The following TSNARE1 variants were observed in gnomAD, a reference collection of about 807,000 sequenced individuals.
The protein encoded by TSNARE1 is t-SNARE domain containing 1.
A neutral mutation model predicts 62.0 loss-of-function variants in TSNARE1; 49 were observed. The ratio of observed to expected loss-of-function variants is 0.79; its 90% CI spans 0.63 to 1.00. The LOEUF (loss-of-function observed/expected upper bound fraction) is 1.00. Ranked by LOEUF, TSNARE1 falls within the 50% of genes least tolerant of loss-of-function variation. The probability of loss-of-function intolerance (pLI) is 0.00; values close to 1 mark genes in which losing one functional copy is unlikely to be tolerated. For missense variants in TSNARE1, 755 were observed against 700.1 expected (o/e 1.08, Z -0.88); for synonymous variants, 328 against 294.4 (o/e 1.11, Z -1.17).
chr8:142,394,876 G>C (rs1341540062), intron 1 of TSNARE1, among the ~76,000 whole-genome samples: 3 of 152,318 alleles, frequency 2.0e-5, no homozygotes, highest in South Asian at 4.1e-4. Flanking sequence ...GGCTGTGCCT[G>C]CGCCCTGGGG....
intron 6 of TSNARE1, among the ~76,000 whole-genome samples, chr8:142,325,776 G>A (rs1830124928): frequency 6.6e-6 from 1 of 152,250 alleles, no homozygotes; most frequent in African/African-American, 2.4e-5. Flanking sequence ...GAGAGGAAAA[G>A]AGGCTGGAGT....
intron 1 of TSNARE1, among the ~76,000 whole-genome samples, chr8:142,357,983 A>G (rs1834880401): frequency 7.0e-6 from 1 of 142,904 alleles, no homozygotes; most frequent in Non-Finnish European, 1.5e-5. Flanking sequence ...GGACAAGGGG[A>G]GCAGCCAGCG....
In TSNARE1 at chr8:142,390,550, T is replaced by C. The variant is rs80205625; in HGVS notation, c.-40+12554A>G. 1.8e-3 allele frequency among the ~76,000 whole-genome samples: 106 copies of C among 57,558 alleles called. 5 individuals are homozygous for C. Among genetic ancestry groups the C allele is most frequent in the Non-Finnish European group, 2.1e-3 (72 of 34,408 alleles). 37.8% of individuals were successfully genotyped at this position (57,558 alleles called of 152,430 possible). ...AGACGCTGTACACTGCTGGGGACTC[T>C]GTAACAGACGCTGTACACTGCAGGG... is the stretch of plus-strand genomic sequence containing the variant. On this transcript the variant is annotated intron_variant, in intron 1 of 13. Transcript: ENST00000524325.
At chr8:142,262,544 A>G (rs1333819239) in intron 12 of TSNARE1, among the ~76,000 whole-genome samples, 1 of 152,114 alleles carries the variant, frequency 6.6e-6, no homozygotes, top group Non-Finnish European at 1.5e-5. Context: ...TGTAATCTTC[A>G]GTGTTGGAGG....
intron 10 of TSNARE1, among the ~76,000 whole-genome samples, chr8:142,288,103 G>A (rs1397721530): frequency 2.6e-5 from 4 of 152,348 alleles, no homozygotes; most frequent in Non-Finnish European, 2.9e-5. Flanking sequence ...GCATGGCTCC[G>A]AGCCCCTGCC....
chr8:142,314,284 C>T (rs1162181930), intron 9 of TSNARE1, 100 bp downstream of exon 9: 1 of 1,164,982 alleles, frequency 8.6e-7, no homozygotes, highest in Non-Finnish European at 1.2e-6. Flanking sequence ...GATGACACCC[C>T]TGCCCTTGGC....
At chr8:142,374,761 G>T (rs1165567943) in intron 1 of TSNARE1, among the ~76,000 whole-genome samples, 1 of 152,060 alleles carries the variant, frequency 6.6e-6, no homozygotes, top group Non-Finnish European at 1.5e-5. Flanking sequence ...TCTGAAAAGG[G>T]GAAGGAGGCT....
At chr8:142,335,655 A>T (rs1334427209) in intron 4 of TSNARE1, among the ~76,000 whole-genome samples, 1 of 152,198 alleles carries the variant, frequency 6.6e-6, no homozygotes, top group Admixed American at 6.5e-5. Context: ...GGAAATATAG[A>T]AAGCAAACAT....
intron 11 of TSNARE1, chr8:142,277,099 G>A (rs1297567937): frequency 1.0e-6 from 1 of 985,250 alleles, no homozygotes; most frequent in Non-Finnish European, 1.2e-6. Context: ...ATCAGCCCTG[G>A]GCCCAGTGGC....
intron 12 of TSNARE1, chr8:142,274,435 G>A: frequency 1.0e-6 from 1 of 985,488 alleles, no homozygotes; most frequent in Non-Finnish European, 1.2e-6. Flanking sequence ...CCCCAGTATG[G>A]ACACTGAGCT....
intron 12 of TSNARE1, among the ~76,000 whole-genome samples, chr8:142,236,476 C>T (rs1000116223): frequency 1.3e-5 from 2 of 152,126 alleles, no homozygotes; most frequent in Non-Finnish European, 2.9e-5. Context: ...AGCAACCTCC[C>T]GGGCTCCTCA....
intron 9 of TSNARE1, among the ~76,000 whole-genome samples, chr8:142,309,324 T>C (rs1029749299): frequency 9.9e-5 from 15 of 152,226 alleles, no homozygotes; most frequent in African/African-American, 2.9e-4. Context: ...CTAGATGCCC[T>C]AGTTTTATCT....
intron 4 of TSNARE1, among the ~76,000 whole-genome samples, chr8:142,337,159 A>G (rs1831861941): frequency 6.6e-6 from 1 of 152,262 alleles, no homozygotes; most frequent in Non-Finnish European, 1.5e-5. Context: ...AAAACTAATG[A>G]TATCAACATC....
intron 12 of TSNARE1, among the ~76,000 whole-genome samples, chr8:142,252,109 C>T (rs1427331799): frequency 6.6e-6 from 1 of 151,630 alleles, no homozygotes; most frequent in Non-Finnish European, 1.5e-5. Flanking sequence ...CTGCAGGGCC[C>T]GGGCACCATG....
chr8:142,269,861 A>G, intron 12 of TSNARE1: 2 of 985,442 alleles, frequency 2.0e-6, no homozygotes, highest in African/African-American at 1.7e-5. Flanking sequence ...ACATGTGGCT[A>G]CACCTCAGGT....
chr8:142,358,012 G>A (rs1018556751), intron 1 of TSNARE1, among the ~76,000 whole-genome samples: 10 of 109,816 alleles, frequency 9.1e-5, no homozygotes, highest in African/African-American at 3.0e-4. Context: ...TGCAAAGGGC[G>A]GCGGGGTCTG....
rs189909383 is a variant in TSNARE1, at chr8:142,277,977, T to C, written c.1364-3114A>G. ...CCCAAACCAGGTCTGCCTCTGCCCA[T>C]AGGACCCTTGGCTGCAAGAATCTGC... On this transcript the variant is annotated intron_variant, in intron 11 of 13. Coordinates refer to ENST00000524325, the MANE Select transcript of TSNARE1 (RefSeq NM_145003.5). The C allele has an allele frequency of 1.8e-4, 182 of 985,388 alleles. No homozygotes were observed. In the African/African-American group the frequency reaches 2.6e-3, roughly 14 times the overall value. 61.0% of individuals were successfully genotyped at this position (985,388 alleles called of 1,614,324 possible). A position where few individuals can be genotyped will look rare whatever the true frequency, so the allele number is the denominator to read the frequency against.
intron 2 of TSNARE1, among the ~76,000 whole-genome samples, chr8:142,347,451 C>T (rs973161668): frequency 3.3e-5 from 5 of 152,194 alleles, no homozygotes; most frequent in East Asian, 1.9e-4. Context: ...CTCCAGCTCC[C>T]GGCAGGCCCT....
At chr8:142,354,422 C>G (rs1393697138) in intron 2 of TSNARE1, among the ~76,000 whole-genome samples, 1 of 152,110 alleles carries the variant, frequency 6.6e-6, no homozygotes, top group Non-Finnish European at 1.5e-5. Context: ...CTGGGACACC[C>G]AGGTCTGCCC....
Sources: allele counts gnomAD v4.1 joint callset (sites outside exome capture counted in the v4.1 genomes callset), GRCh38; gene constraint gnomAD v4.1.1; transcripts MANE v1.5; gene names NCBI Gene and HGNC (gene_info 2026-07-23, HGNC 2026-07-21).